Variants in PATJ observed in about 807,000 individuals in gnomAD.
PATJ encodes inaD-like protein.
In PATJ, 190 loss-of-function variants were observed where a neutral mutation model predicts 224.9. The observed-to-expected ratio is 0.84, with a 90% CI of 0.75 to 0.95. The LOEUF (loss-of-function observed/expected upper bound fraction) is 0.95, where lower values mean the gene tolerates loss of function less well. Ranked by LOEUF, PATJ falls within the 40% of genes least tolerant of loss-of-function variation. The pLI is 0.00. For synonymous variants in PATJ, 769 were observed against 820.3 expected (o/e 0.94, Z 1.07); for missense variants, 2,121 against 2,270.3 (o/e 0.93, Z 1.34).
intron 16 of PATJ, among the ~76,000 whole-genome samples, chr1:61,828,250 A>C (rs1440790486): frequency 1.8e-4 from 28 of 152,042 alleles, no homozygotes; most frequent in Admixed American, 1.6e-3. Flanking sequence ...TCTCAAAAAA[A>C]AAAAAAAAGA....
chr1:62,117,865 T>C (rs1208882389), intron 37 of PATJ, among the ~76,000 whole-genome samples: 1 of 152,160 alleles, frequency 6.6e-6, no homozygotes, highest in Non-Finnish European at 1.5e-5. Context: ...AATGAGACTA[T>C]AGAAACTTAT....
chr1:61,940,150 A>G (rs1205441676), intron 27 of PATJ, among the ~76,000 whole-genome samples: 2 of 152,128 alleles, frequency 1.3e-5, no homozygotes, highest in Non-Finnish European at 2.9e-5. Context: ...ATTTACTTTG[A>G]CTAAGCCACT....
intron 24 of PATJ, 40 bp downstream of exon 24, chr1:61,901,499 G>A (rs370652129): frequency 2.1e-5 from 29 of 1,373,090 alleles, no homozygotes; most frequent in Non-Finnish European, 2.8e-5. Context: ...GGAAACATAC[G>A]GTAAGACAGT....
At chr1:61,783,168 T>C (rs1378572941) in intron 7 of PATJ, among the ~76,000 whole-genome samples, 1 of 152,220 alleles carries the variant, frequency 6.6e-6, no homozygotes, top group Non-Finnish European at 1.5e-5. Flanking sequence ...AGTGATTATA[T>C]AAACAGATAT....
rs374059298 is a variant in PATJ, at chr1:62,157,623, G to A, written c.5503-3285G>A. ...AGGCAGGTGGATCACCTGAGGTCAG[G>A]AGTTAAAGACCAGCCTGGCCAACAT... On this transcript the variant is annotated intron_variant, in intron 43 of 43. Transcript: ENST00000642238. Among the ~76,000 whole-genome samples, 37 of 148,380 alleles carry A rather than the reference G, an allele frequency of 2.5e-4. 1 individual carries two copies. The highest frequency in any genetic ancestry group is 9.0e-4 in the African/African-American group (37 of 41,068).
intron 31 of PATJ, among the ~76,000 whole-genome samples, chr1:62,076,500 C>T (rs1382364887): frequency 6.6e-6 from 1 of 152,158 alleles, no homozygotes; most frequent in Non-Finnish European, 1.5e-5. Flanking sequence ...ATGAATGAGT[C>T]ATGGGAACAC....
At chr1:62,020,850 G>A (rs541945183) in intron 29 of PATJ, among the ~76,000 whole-genome samples, 2 of 152,242 alleles carry the variant, frequency 1.3e-5, no homozygotes, top group South Asian at 4.2e-4. Context: ...TTTTGAGACA[G>A]AGTCTTGCTC....
intron 39 of PATJ, among the ~76,000 whole-genome samples, chr1:62,124,313 C>G (rs1369205830): frequency 6.6e-6 from 1 of 152,050 alleles, no homozygotes; most frequent in Non-Finnish European, 1.5e-5. Flanking sequence ...GAACTCCTGC[C>G]CTCAATCGAT....
chr1:61,864,018 C>T (rs943208373), intron 19 of PATJ, among the ~76,000 whole-genome samples: 5 of 152,190 alleles, frequency 3.3e-5, no homozygotes, highest in Admixed American at 1.3e-4. Flanking sequence ...TTGCCAAGGG[C>T]AGATTTCTGC....
At chr1:61,873,250 C>G (rs991805605) in intron 20 of PATJ, among the ~76,000 whole-genome samples, 1 of 152,088 alleles carries the variant, frequency 6.6e-6, no homozygotes, top group Non-Finnish European at 1.5e-5. Context: ...TCACTGCAGC[C>G]TCACCCTCCC....
chr1:61,777,923 A>G (rs961728474), intron 7 of PATJ, among the ~76,000 whole-genome samples: 4 of 151,778 alleles, frequency 2.6e-5, no homozygotes, highest in Non-Finnish European at 4.4e-5. Context: ...TCTGTCACCC[A>G]GGCTGGAGTG....
At chr1:61,826,688 C>T (rs1179730399) in intron 15 of PATJ, among the ~76,000 whole-genome samples, 1 of 152,134 alleles carries the variant, frequency 6.6e-6, no homozygotes, top group Non-Finnish European at 1.5e-5. Flanking sequence ...AAGGATTAAT[C>T]ATTAATAAAG....
chr1:61,752,138 C>CAA (rs33975795), intron 1 of PATJ, among the ~76,000 whole-genome samples: 64,752 of 117,318 alleles, frequency 0.55, 17,030 homozygotes, highest in East Asian at 0.6. Context: ...AACATCATCT[C>CAA]AAAAAAAAAA....
chr1:62,070,528 A>G (rs1657205236), intron 31 of PATJ, among the ~76,000 whole-genome samples: 1 of 152,244 alleles, frequency 6.6e-6, no homozygotes, highest in South Asian at 2.1e-4. Context: ...GATATGGGAG[A>G]CACATACATA....
chr1:62,117,757 A>ATT (rs143284826), intron 37 of PATJ, among the ~76,000 whole-genome samples: 1 of 151,074 alleles, frequency 6.6e-6, no homozygotes, highest in East Asian at 1.9e-4. Flanking sequence ...TGTAAGTGCC[A>ATT]TTTTTTTTTA....
Position 62,128,017 on chromosome 1 carries a change from A to G in PATJ, c.5089A>G (p.Ser1697Gly). 6.2e-7 allele frequency: 1 copy of G among 1,614,058 alleles called. No homozygotes were observed. The highest frequency in any genetic ancestry group is 1.1e-5 in the South Asian group (1 of 91,072). Reference protein sequence around the residue: ...LGISIAGGRGSPLGDIPVFIA... With the variant: ...LGISIAGGRGGPLGDIPVFIA... ...AATCAGTATTGCTGGAGGAAGAGGA[A>G]GTCCCTTAGGAGATATCCCCGTATT... Residue 1697 changes from serine to glycine, a missense_variant, in exon 40 of 44, where the codon AGT becomes GGT. Physicochemically the swap from Ser to Gly is moderately conservative, Grantham distance 56. Coordinates refer to ENST00000642238, the MANE Select transcript of PATJ (RefSeq NM_001350145.3).
intron 28 of PATJ, among the ~76,000 whole-genome samples, chr1:62,010,078 CA>C (rs34658070): frequency 0.019 from 1,615 of 84,252 alleles, 10 homozygotes; most frequent in Middle Eastern, 0.088. Context: ...GACTCCATCT[CA>C]AAAAAAAAAA....
intron 27 of PATJ, among the ~76,000 whole-genome samples, chr1:61,943,751 C>A (rs1678209167): frequency 6.6e-6 from 1 of 152,198 alleles, no homozygotes; most frequent in African/African-American, 2.4e-5. Flanking sequence ...TCTCCCACCA[C>A]AGAGTTTGAG....
At chr1:62,026,236 T>C (rs1169391406) in intron 29 of PATJ, among the ~76,000 whole-genome samples, 2 of 152,252 alleles carry the variant, frequency 1.3e-5, no homozygotes, top group African/African-American at 4.8e-5. Context: ...AAAGGAGTTT[T>C]CCCATTGAGA....
Sources: gnomAD v4.1 joint callset for allele counts (sites outside exome capture counted in the v4.1 genomes callset) on GRCh38, gnomAD v4.1.1 for gene constraint, MANE v1.5 for transcripts, NCBI Gene and HGNC (gene_info 2026-07-23, HGNC 2026-07-21) for gene names.